MEMO1: variants seen among roughly 807,000 people sequenced by gnomAD.
MEMO1 encodes the protein mediator of cell motility 1.
Under a neutral mutation model 45.2 loss-of-function variants are expected in MEMO1, and 6 were observed. That is an observed-to-expected ratio of 0.13 (90% CI 0.07 to 0.26). MEMO1 has a LOEUF of 0.26. Among genes scored for constraint, MEMO1 ranks in the 10% least tolerant of loss-of-function variants. The pLI, the probability that MEMO1 is intolerant of heterozygous loss-of-function variation, is 1.00. For missense variants in MEMO1, 184 were observed against 370.5 expected, an observed-to-expected ratio of 0.50 and a Z score of 4.13; for synonymous variants, 78 against 124.3, an observed-to-expected ratio of 0.63 and a Z score of 2.48.
chr2:31,906,631 C>T (rs1312459543), intron 6 of MEMO1, among the ~76,000 whole-genome samples: 3 of 152,062 alleles, frequency 2.0e-5, no homozygotes, highest in Non-Finnish European at 4.4e-5. Flanking sequence ...CCTAGGAGTG[C>T]TATTCTTCTT....
At chr2:32,002,044 G>A (rs1481399026) in intron 2 of MEMO1, among the ~76,000 whole-genome samples, 1 of 150,544 alleles carries the variant, frequency 6.6e-6, no homozygotes, top group Non-Finnish European at 1.5e-5. Flanking sequence ...TACTTGGGAG[G>A]CTGAGGCAGG....
In MEMO1 at chr2:31,881,872, G is replaced by A. The variant is rs7608303; in HGVS notation, c.657+1514C>T. Among the ~76,000 whole-genome samples the A allele has an allele frequency of 8.4e-3, 1,275 of 152,190 alleles. 16 individuals carry two copies. The highest frequency in any genetic ancestry group is 0.028 in the African/African-American group (1,177 of 41,526). ...AAAAGAAAAGAAAAAAGCTGGGTGCGGTGTCACATGCCTGTAATCCCAGGA... is the reference window on the plus strand; with the variant it reads ...AAAAGAAAAGAAAAAAGCTGGGTGCAGTGTCACATGCCTGTAATCCCAGGA... On this transcript the variant is annotated intron_variant, in intron 8 of 9. Transcript: ENST00000404530.
In MEMO1 at chr2:31,891,928, GAA is replaced by G. The variant is rs138252417; in HGVS notation, c.580+62_580+63del. ...AAAACTGAAAATCAGAGCTTAGAAT[GAA>G]AAGATACCTTTAACCAGAAGTATAT... On this transcript the variant is annotated intron_variant, in intron 7 of 9. Coordinates refer to ENST00000404530, the MANE Select transcript of MEMO1 (RefSeq NM_001301833.4). 3.2e-3 allele frequency: 4,641 copies of G among 1,464,148 alleles called. 106 individuals carry two copies. The African/African-American group carries it at 0.054, about 17-fold the overall frequency. The allele number at this position is 1,464,148 out of a possible 1,614,324, so 90.7% of individuals were successfully genotyped here. A position where few individuals can be genotyped will look rare whatever the true frequency, so the allele number is the denominator to read the frequency against.
In MEMO1 at chr2:31,880,784, ATTAT is replaced by A. The variant is rs199902683; in HGVS notation, c.657+2598_657+2601del. 5.8e-3 allele frequency among the ~76,000 whole-genome samples: 888 copies of A among 152,302 alleles called. 10 individuals carry two copies. Among genetic ancestry groups the A allele is most frequent in the African/African-American group, 0.02 (844 of 41,576 alleles). On this transcript the variant is annotated intron_variant, in intron 8 of 9. Transcript: ENST00000404530. ...ATACTATTTATGAGTAAATCCTAAA[ATTAT>A]TTGTGTTATTTAAAAAATTAAAATA...
chr2:32,003,865 AAC>A (rs1419735962), intron 2 of MEMO1, among the ~76,000 whole-genome samples: 1 of 152,228 alleles, frequency 6.6e-6, no homozygotes, highest in Non-Finnish European at 1.5e-5. Flanking sequence ...CAGCCTGGGC[AAC>A]AAAGTGAGAC....
intron 4 of MEMO1, among the ~76,000 whole-genome samples, chr2:31,926,289 T>C (rs1683098791): frequency 6.6e-6 from 1 of 151,684 alleles, no homozygotes; most frequent in Admixed American, 6.6e-5. Flanking sequence ...GGAGGATCAC[T>C]TGAGCCTGGG....
intron 2 of MEMO1, among the ~76,000 whole-genome samples, chr2:31,961,537 C>T (rs1277415801): frequency 2.6e-5 from 4 of 151,570 alleles, no homozygotes; most frequent in East Asian, 1.9e-4. Flanking sequence ...CCTAGGCAGG[C>T]GAATTGCTTG....
At chr2:31,955,392 C>T (rs1667298935) in intron 2 of MEMO1, among the ~76,000 whole-genome samples, 3 of 152,158 alleles carry the variant, frequency 2.0e-5, no homozygotes. Flanking sequence ...CTCCAAGCTA[C>T]TTTGAAGCCT....
chr2:31,883,711 A>G (rs1208074247), intron 7 of MEMO1, among the ~76,000 whole-genome samples: 2 of 152,172 alleles, frequency 1.3e-5, no homozygotes, highest in African/African-American at 4.8e-5. Context: ...TAAAATCACC[A>G]GAAATACAAG....
At chr2:31,903,192 A>T (rs897720800) in intron 6 of MEMO1, among the ~76,000 whole-genome samples, 96 of 152,280 alleles carry the variant, frequency 6.3e-4, no homozygotes, top group Non-Finnish European at 1.6e-4. Flanking sequence ...CGAATATGCA[A>T]ATTTTCCTTC....
At chr2:31,929,056 AT>A (rs557706450) in intron 4 of MEMO1, among the ~76,000 whole-genome samples, 213 of 152,178 alleles carry the variant, frequency 1.4e-3, no homozygotes, top group African/African-American at 4.4e-3. Flanking sequence ...ATTGAAATGC[AT>A]TTTTTTATAA....
intron 6 of MEMO1, among the ~76,000 whole-genome samples, chr2:31,906,206 G>A (rs1325650353): frequency 6.6e-6 from 1 of 151,610 alleles, no homozygotes; most frequent in East Asian, 1.9e-4. Context: ...TCCTGACCTC[G>A]TGATCCACCC....
chr2:31,876,120 C>T (rs550048014), intron 8 of MEMO1, among the ~76,000 whole-genome samples: 41 of 152,140 alleles, frequency 2.7e-4, no homozygotes, highest in Non-Finnish European at 5.3e-4. Flanking sequence ...TCAATTATTA[C>T]CCTATATTAT....
intron 6 of MEMO1, among the ~76,000 whole-genome samples, chr2:31,912,588 G>C (rs1231199195): frequency 6.7e-6 from 1 of 150,236 alleles, no homozygotes; most frequent in Non-Finnish European, 1.5e-5. Flanking sequence ...AATATATGGT[G>C]ACATACAAAA....
At chr2:31,920,476 T>C (rs922277082) in intron 5 of MEMO1, among the ~76,000 whole-genome samples, 1 of 152,044 alleles carries the variant, frequency 6.6e-6, no homozygotes, top group Non-Finnish European at 1.5e-5. Context: ...ACGCCCAGAA[T>C]CTTTATGAAA....
intron 2 of MEMO1, among the ~76,000 whole-genome samples, chr2:31,980,539 T>C (rs1670515086): frequency 6.6e-6 from 1 of 152,190 alleles, no homozygotes; most frequent in Non-Finnish European, 1.5e-5. Context: ...GTCAAATTAC[T>C]TGAACTCTGT....
intron 2 of MEMO1, among the ~76,000 whole-genome samples, chr2:31,996,366 G>A (rs547478042): frequency 6.6e-6 from 1 of 152,192 alleles, no homozygotes; most frequent in Non-Finnish European, 1.5e-5. Context: ...TGGACAACAT[G>A]GTGAAACCCC....
At chr2:31,961,096 C>G (rs1466678774) in intron 2 of MEMO1, among the ~76,000 whole-genome samples, 1 of 152,152 alleles carries the variant, frequency 6.6e-6, no homozygotes, top group Non-Finnish European at 1.5e-5. Context: ...GTGACTCACG[C>G]CTGTAAATCC....
At chr2:31,964,464 A>T (rs1444657616) in intron 2 of MEMO1, among the ~76,000 whole-genome samples, 1 of 152,188 alleles carries the variant, frequency 6.6e-6, no homozygotes, top group Non-Finnish European at 1.5e-5. Flanking sequence ...TGGGAGGCCG[A>T]GGCGGGTGGA....
Sources: gnomAD v4.1 joint callset for allele counts (sites outside exome capture counted in the v4.1 genomes callset) on GRCh38, gnomAD v4.1.1 for gene constraint, MANE v1.5 for transcripts, NCBI Gene and HGNC (gene_info 2026-07-23, HGNC 2026-07-21) for gene names.